UBE2E2: variants seen among roughly 807,000 people sequenced by gnomAD.
The protein encoded by UBE2E2 is ubiquitin-conjugating enzyme E2 E2.
In UBE2E2, 6 loss-of-function variants were observed where a neutral mutation model predicts 24.7. That is an observed-to-expected ratio of 0.24 (90% CI 0.13 to 0.48). The LOEUF is 0.48. Among genes scored for constraint, UBE2E2 ranks in the 20% least tolerant of loss-of-function variants. The pLI, the probability that UBE2E2 is intolerant of heterozygous loss-of-function variation, is 0.99. For missense variants in UBE2E2, 169 were observed against 245.0 expected (o/e 0.69, Z 2.07); for synonymous variants, 104 against 83.6 (o/e 1.24, Z -1.33).
At chr3:23,431,462 T>C (rs1698058744) in intron 3 of UBE2E2, among the ~76,000 whole-genome samples, 1 of 151,676 alleles carries the variant, frequency 6.6e-6, no homozygotes, top group South Asian at 2.1e-4. Flanking sequence ...TTCAGGAAAA[T>C]GCTATGAGTA....
intron 3 of UBE2E2, among the ~76,000 whole-genome samples, chr3:23,361,749 G>A (rs1030680478): frequency 3.3e-5 from 5 of 152,214 alleles, no homozygotes; most frequent in East Asian, 1.9e-4. Context: ...TGAAATCTCA[G>A]AAATCACCAC....
chr3:23,478,896 A>T (rs55923638), intron 3 of UBE2E2, among the ~76,000 whole-genome samples: 11,642 of 120,412 alleles, frequency 0.097, 582 homozygotes, highest in African/African-American at 0.15. Flanking sequence ...ATATATATAT[A>T]TTTTTTTTTT....
chr3:23,243,816 A>G (rs1036597130), intron 3 of UBE2E2, among the ~76,000 whole-genome samples: 15 of 151,694 alleles, frequency 9.9e-5, no homozygotes, highest in African/African-American at 2.9e-4. Context: ...TAAAATATTT[A>G]AGTATAGTAG....
At chr3:23,259,305 C>T (rs1262815877) in intron 3 of UBE2E2, among the ~76,000 whole-genome samples, 6 of 152,110 alleles carry the variant, frequency 3.9e-5, no homozygotes, top group Admixed American at 6.6e-5. Context: ...TAGCTGTGCT[C>T]GCTAAGTCTT....
intron 3 of UBE2E2, among the ~76,000 whole-genome samples, chr3:23,350,441 C>T (rs971084777): frequency 1.3e-5 from 2 of 152,122 alleles, no homozygotes; most frequent in Admixed American, 6.5e-5. Context: ...CTACTCCGAG[C>T]TACAGGAGGA....
chr3:23,551,950 A>G (rs576681893), intron 5 of UBE2E2, among the ~76,000 whole-genome samples: 26 of 152,192 alleles, frequency 1.7e-4, no homozygotes, highest in East Asian at 3.8e-4. Context: ...CCCTGATCCA[A>G]TGGGATTCAT....
chr3:23,522,583 T>TA (rs950476986), intron 4 of UBE2E2, among the ~76,000 whole-genome samples: 12 of 152,188 alleles, frequency 7.9e-5, no homozygotes, highest in African/African-American at 2.9e-4. Flanking sequence ...CACTTTTTTT[T>TA]AACCCATTGA....
intron 3 of UBE2E2, among the ~76,000 whole-genome samples, chr3:23,451,660 C>T (rs1371320865): frequency 6.6e-6 from 1 of 152,100 alleles, no homozygotes; most frequent in African/African-American, 2.4e-5. Context: ...TAATAAAGTA[C>T]TTTTACAACA....
chr3:23,485,320 T>G (rs548302099), intron 3 of UBE2E2, among the ~76,000 whole-genome samples: 1 of 152,202 alleles, frequency 6.6e-6, no homozygotes, highest in South Asian at 2.1e-4. Flanking sequence ...GGTCTCGAAC[T>G]CCTAACGTCA....
intron 3 of UBE2E2, among the ~76,000 whole-genome samples, chr3:23,446,301 ACTC>A (rs1698428836): frequency 6.6e-6 from 1 of 152,136 alleles, no homozygotes; most frequent in Non-Finnish European, 1.5e-5. Context: ...GGAGCCCTGA[ACTC>A]CTTAAAAAGT....
intron 1 of UBE2E2, among the ~76,000 whole-genome samples, chr3:23,207,611 A>C (rs528740123): frequency 1.3e-5 from 2 of 152,312 alleles, no homozygotes; most frequent in African/African-American, 4.8e-5. Flanking sequence ...TTTTAACCTT[A>C]GCCCAGCCCT....
intron 3 of UBE2E2, among the ~76,000 whole-genome samples, chr3:23,327,593 T>G (rs185163391): frequency 6.6e-6 from 1 of 152,322 alleles, no homozygotes; most frequent in Admixed American, 6.5e-5. Flanking sequence ...ATAGGCAGGT[T>G]TGTTTGTGGC....
chr3:23,295,865 A>C (rs1323704257), intron 3 of UBE2E2, among the ~76,000 whole-genome samples: 1 of 152,166 alleles, frequency 6.6e-6, no homozygotes, highest in Non-Finnish European at 1.5e-5. Context: ...CCTGAAGGGA[A>C]AGGTTGATGG....
intron 3 of UBE2E2, among the ~76,000 whole-genome samples, chr3:23,434,519 C>G (rs1698140220): frequency 1.3e-5 from 2 of 152,080 alleles, no homozygotes; most frequent in Admixed American, 1.3e-4. Flanking sequence ...GGAGTTCTCA[C>G]TATATTGTGT....
In UBE2E2 at chr3:23,322,649, T is replaced by C. The variant is rs550771462; in HGVS notation, c.227+105337T>C. Among the ~76,000 whole-genome samples the C allele has an allele frequency of 3.3e-5, 5 of 152,192 alleles. No individual in the cohort carries two copies. In the South Asian group the frequency reaches 8.3e-4, roughly 25 times the overall value. ...GTTTAGTCCACCCTCATCATTTTGA[T>C]GAAGTAATTAAGTCCAGAGAGCATG... On this transcript the variant is annotated intron_variant, in intron 3 of 5. Coordinates refer to ENST00000396703, the MANE Select transcript of UBE2E2 (RefSeq NM_152653.4).
At chr3:23,363,884 C>T (rs1019634753) in intron 3 of UBE2E2, among the ~76,000 whole-genome samples, 3 of 151,390 alleles carry the variant, frequency 2.0e-5, no homozygotes, top group African/African-American at 7.3e-5. Context: ...AAATTGACCA[C>T]ACAATTGGCC....
At chr3:23,332,712 TGTGTGTGC>T (rs1332335137) in intron 3 of UBE2E2, among the ~76,000 whole-genome samples, 2 of 146,522 alleles carry the variant, frequency 1.4e-5, no homozygotes, top group African/African-American at 2.5e-5. Flanking sequence ...TGTGTGTGTG[TGTGTGTGC>T]AGCTATGGAT....
intron 3 of UBE2E2, among the ~76,000 whole-genome samples, chr3:23,347,678 T>G (rs1011286621): frequency 2.0e-5 from 3 of 152,176 alleles, no homozygotes; most frequent in Admixed American, 6.5e-5. Context: ...ATTGTGCACA[T>G]GTACCCTAAA....
At chr3:23,297,290 C>T (rs1377221320) in intron 3 of UBE2E2, among the ~76,000 whole-genome samples, 1 of 151,802 alleles carries the variant, frequency 6.6e-6, no homozygotes, top group African/African-American at 2.4e-5. Context: ...GTTTCTTTTG[C>T]TGTGCAGAAG....
Sources: allele counts gnomAD v4.1 joint callset (sites outside exome capture counted in the v4.1 genomes callset), GRCh38; gene constraint gnomAD v4.1.1; transcripts MANE v1.5; gene names NCBI Gene and HGNC (gene_info 2026-07-23, HGNC 2026-07-21).